The following DHRS7 variants were observed in gnomAD, a reference collection of about 807,000 sequenced individuals.
DHRS7 encodes dehydrogenase/reductase SDR family member 7.
In DHRS7, 34 loss-of-function variants were observed where a neutral mutation model predicts 38.9. That is an observed-to-expected ratio of 0.87 (90% CI 0.66 to 1.16). DHRS7 has a LOEUF of 1.16. Among genes scored for constraint, DHRS7 ranks in the 50% most tolerant of loss-of-function variants. The pLI is 0.00. For missense variants in DHRS7, 421 were observed against 407.0 expected (o/e 1.03, Z -0.30); for synonymous variants, 158 against 153.1 (o/e 1.03, Z -0.24).
chr14:60,164,889 C>A (rs1402477448), intron 1 of DHRS7, among the ~76,000 whole-genome samples: 1 of 152,214 alleles, frequency 6.6e-6, no homozygotes, highest in Non-Finnish European at 1.5e-5. Context: ...AGGAGCACCG[C>A]CGACTCCAGT....
upstream of DHRS7, among the ~76,000 whole-genome samples, chr14:60,166,488 A>G (rs980882304): frequency 2.6e-5 from 4 of 152,024 alleles, no homozygotes; most frequent in Non-Finnish European, 5.9e-5. Flanking sequence ...AGAAGCAGTG[A>G]CTTCCCTCCC....
At chr14:60,156,706 T>G (rs901806636) in intron 1 of DHRS7, among the ~76,000 whole-genome samples, 1 of 152,202 alleles carries the variant, frequency 6.6e-6, no homozygotes, top group Non-Finnish European at 1.5e-5. Flanking sequence ...TAAAGTAGTA[T>G]TTTCCCCATT....
chr14:60,152,763 T>C (rs1448152586), intron 4 of DHRS7, 176 bp downstream of exon 4: 17 of 627,484 alleles, frequency 2.7e-5, no homozygotes, highest in African/African-American at 2.4e-4. Flanking sequence ...GTTAGAGGCA[T>C]GTGTGGATCA....
chr14:60,163,126 T>C (rs1318468609), intron 1 of DHRS7, among the ~76,000 whole-genome samples: 1 of 149,936 alleles, frequency 6.7e-6, no homozygotes, highest in Non-Finnish European at 1.5e-5. Flanking sequence ...GCCAAGATCA[T>C]ACCACTGCAC....
At position 60,144,777 on chromosome 14, in the gene DHRS7, CT is replaced by C; in HGVS notation, c.*188del. On this transcript the variant is annotated 3_prime_UTR_variant, in exon 7 of 7. Transcript: ENST00000557185. ...CCAAGAATATAGTATGAGTTAATAC[CT>C]TTTTTGCAAGATTCATGGCAATCTT... 3.4e-6 allele frequency: 2 copies of C among 584,358 alleles called. No individual in the cohort carries two copies. The highest frequency in any genetic ancestry group is 3.0e-5 in the East Asian group (1 of 33,080). 36.2% of individuals were successfully genotyped at this position (584,358 alleles called of 1,614,324 possible). A position where few individuals can be genotyped will look rare whatever the true frequency, so the allele number is the denominator to read the frequency against.
At chr14:60,147,085 T>A (rs1428186167) in intron 6 of DHRS7, 1 of 151,952 alleles carries the variant, frequency 6.6e-6, no homozygotes, top group Non-Finnish European at 1.5e-5. Context: ...CTACAAAACC[T>A]AGCCAGGCAT....
upstream of DHRS7, chr14:60,165,414 G>A: frequency 6.9e-7 from 1 of 1,450,624 alleles, no homozygotes; most frequent in Non-Finnish European, 9.1e-7. This position sits in a 1 kb window ranked among gnomAD's most constrained non-coding sequence, Gnocchi z 4.6. Context: ...GCCCAGAGCC[G>A]CACTGCCCCG....
rs1369519784 is a variant in DHRS7, at chr14:60,149,252, A to G, written c.972+101T>C. On this transcript the variant is annotated intron_variant, in intron 6 of 6. Transcript: ENST00000557185. ...CCAAAGTGCTGGGATTACAGACATGAGCCACTGCACCCAGCCAGAAAGTTT... is the reference window on the plus strand; with the variant it reads ...CCAAAGTGCTGGGATTACAGACATGGGCCACTGCACCCAGCCAGAAAGTTT... 5 of 1,090,406 alleles carry G rather than the reference A, an allele frequency of 4.6e-6. No homozygotes were observed. In the South Asian group the frequency reaches 6.5e-5, roughly 14 times the overall value. The allele number at this position is 1,090,406 out of a possible 1,614,324, so 67.5% of individuals were successfully genotyped here.
chr14:60,164,517 G>T (rs988132475), intron 1 of DHRS7, among the ~76,000 whole-genome samples: 1 of 152,112 alleles, frequency 6.6e-6, no homozygotes, highest in African/African-American at 2.4e-5. Flanking sequence ...TGTGTAAAGC[G>T]CTGAGCCAAC....
At chr14:60,167,681 T>C (rs1190694862), upstream of DHRS7, among the ~76,000 whole-genome samples, 1 of 151,786 alleles carries the variant, frequency 6.6e-6, no homozygotes, top group Non-Finnish European at 1.5e-5. Context: ...AAAAAAAGAG[T>C]GAGTGGAAAC....
Position 60,149,422 on chromosome 14 carries a change from C to T in DHRS7, c.903G>A (p.Met301Ile). The change falls in exon 6 of 7, where the codon ATG (methionine) becomes ATA (isoleucine). Residue 301 changes from methionine to isoleucine, a missense_variant. Met to Ile is a conservative substitution (Grantham distance 10). Coordinates refer to ENST00000557185, the MANE Select transcript of DHRS7 (RefSeq NM_016029.4). ...TGGTTATCCACCAGGCCCAGGTTGG[C>T]ATGTATTGCCACAAATATGTTACTA... ...FLLVTYLWQY[M>I]PTWAWWITNK... 1.2e-6 allele frequency: 2 copies of T among 1,614,156 alleles called. No homozygotes were observed. The highest frequency in any genetic ancestry group is 1.7e-6 in the Non-Finnish European group (2 of 1,180,018).
At chr14:60,168,808 T>C, upstream of DHRS7, 1 of 1,516,484 alleles carries the variant, frequency 6.6e-7, no homozygotes, top group South Asian at 1.3e-5. Context: ...CTTGCAAACA[T>C]GCTGACACTC....
At chr14:60,163,330 T>C (rs796091439) in intron 1 of DHRS7, among the ~76,000 whole-genome samples, 70 of 152,202 alleles carry the variant, frequency 4.6e-4, no homozygotes, top group African/African-American at 1.5e-3. Flanking sequence ...AACATTTTTA[T>C]GGTTTTTGAG....
In DHRS7 at chr14:60,156,028, C is replaced by T; in HGVS notation, c.258G>A (p.Glu86=). Reference sequence around the variant, plus strand: ...GGCATCTTCTTTTCACCCTTTCCAGCTCATGCACTCTTCTGGCTGACAGCA... The same window carrying T: ...GGCATCTTCTTTTCACCCTTTCCAGTTCATGCACTCTTCTGGCTGACAGCA... ...SLVLSARRVH[E]LERVKRRCLE... is the part of the protein sequence containing the mutation. Residue 86 remains glutamate, a synonymous_variant, in exon 2 of 7, where the codon GAG becomes GAA. Coordinates refer to ENST00000557185, the MANE Select transcript of DHRS7 (RefSeq NM_016029.4). 1 of 1,592,636 alleles carries T rather than the reference C, an allele frequency of 6.3e-7. No homozygotes were observed. The highest frequency in any genetic ancestry group is 8.5e-7 in the Non-Finnish European group (1 of 1,170,088).
chr14:60,152,638 A>T (rs416211), intron 4 of DHRS7: 1 of 368,102 alleles, frequency 2.7e-6, no homozygotes, highest in African/African-American at 2.0e-5. Context: ...AACATGTTAA[A>T]TAGATGATAC....
At chr14:60,154,206 T>C (rs1896612388) in intron 2 of DHRS7, 141 bp from the exon 3 acceptor site, 2 of 641,554 alleles carry the variant, frequency 3.1e-6, no homozygotes, top group Non-Finnish European at 5.5e-6. Flanking sequence ...CTCTCGGTGG[T>C]CAGGAAGAGG....
chr14:60,149,721 C>T (rs1459891139), intron 5 of DHRS7, among the ~76,000 whole-genome samples, 153 bp from the exon 6 acceptor site: 1 of 151,854 alleles, frequency 6.6e-6, no homozygotes, highest in Non-Finnish European at 1.5e-5. Flanking sequence ...AGTTTATAAA[C>T]TATTTGTAAT....
chr14:60,153,971 CT>C lies in DHRS7; in HGVS notation c.380del (p.Gln127ArgfsTer32), dbSNP rs1286047899. 3.7e-6 allele frequency: 6 copies of C among 1,613,910 alleles called. No individual in the cohort carries two copies. The highest frequency in any genetic ancestry group is 5.1e-6 in the Non-Finnish European group (6 of 1,179,800). ...SHEAATKAVL[Q>X]EFGRIDILVN... ...AGATGCTACTTACTCTACCAAACTC[CT>C]GGAGAACAGCTTTGGTAGCCGCTTC... On this transcript the variant is annotated frameshift_variant, in exon 3 of 7. Coordinates refer to ENST00000557185, the MANE Select transcript of DHRS7 (RefSeq NM_016029.4). LOFTEE classifies it high-confidence loss of function. This position sits in a 1 kb window ranked among gnomAD's most constrained non-coding sequence, Gnocchi z 4.4.
intron 6 of DHRS7, 82 bp downstream of exon 6, chr14:60,149,271 A>G: frequency 4.3e-6 from 6 of 1,385,456 alleles, no homozygotes; most frequent in Non-Finnish European, 5.1e-6. Flanking sequence ...ACCCAGCCAG[A>G]AAGTTTTTTA....
Sources: gnomAD v4.1 joint callset for allele counts (sites outside exome capture counted in the v4.1 genomes callset) on GRCh38, gnomAD v4.1.1 for gene constraint, Gnocchi (gnomAD v3.1) non-coding constraint, MANE v1.5 for transcripts, NCBI Gene and HGNC (gene_info 2026-07-23, HGNC 2026-07-21) for gene names.